Variants in SH3GL3 observed in about 807,000 individuals in gnomAD.
The protein encoded by SH3GL3 is SH3 domain containing GRB2 like 3, endophilin A3.
Under a neutral mutation model 47.7 loss-of-function variants are expected in SH3GL3, and 33 were observed. The ratio of observed to expected loss-of-function variants is 0.69; its 90% CI spans 0.52 to 0.92. The LOEUF (loss-of-function observed/expected upper bound fraction) is 0.92, where lower values mean the gene tolerates loss of function less well. Among genes scored for constraint, SH3GL3 ranks in the 40% least tolerant of loss-of-function variants. The pLI is 0.00. For synonymous variants in SH3GL3, 155 were observed against 148.8 expected (o/e 1.04, Z -0.30); for missense variants, 363 against 417.8 (o/e 0.87, Z 1.14).
chr15:83,479,818 G>A (rs1283323775), intron 1 of SH3GL3, among the ~76,000 whole-genome samples: 2 of 152,106 alleles, frequency 1.3e-5, no homozygotes, highest in Non-Finnish European at 2.9e-5. Context: ...CCACCTACCA[G>A]CTCTGTGATC....
intron 1 of SH3GL3, among the ~76,000 whole-genome samples, chr15:83,506,950 TA>T (rs1018709174): frequency 3.2e-3 from 448 of 141,286 alleles, no homozygotes; most frequent in Non-Finnish European, 3.0e-3. Flanking sequence ...TCTCTTTTGC[TA>T]AAAAAAAAAA....
At chr15:83,472,271 C>T (rs2040866340) in intron 1 of SH3GL3, among the ~76,000 whole-genome samples, 1 of 152,224 alleles carries the variant, frequency 6.6e-6, no homozygotes, top group African/African-American at 2.4e-5. Flanking sequence ...TTTTCAACCA[C>T]TGTTTCTTTG....
chr15:83,516,412 G>C (rs954152345), intron 1 of SH3GL3, among the ~76,000 whole-genome samples: 1 of 152,136 alleles, frequency 6.6e-6, no homozygotes, highest in Non-Finnish European at 1.5e-5. Flanking sequence ...CTAAGTAGGT[G>C]TATTAGGCCA....
At chr15:83,484,330 G>A (rs1170063227) in intron 1 of SH3GL3, among the ~76,000 whole-genome samples, 2 of 152,094 alleles carry the variant, frequency 1.3e-5, no homozygotes, top group African/African-American at 2.4e-5. Flanking sequence ...TGACACAGTG[G>A]TATGTCTGGT....
intron 6 of SH3GL3, among the ~76,000 whole-genome samples, chr15:83,586,677 C>T (rs913534075): frequency 1.3e-5 from 2 of 152,162 alleles, no homozygotes; most frequent in South Asian, 2.1e-4. Context: ...TTTTCAGATC[C>T]ATGAGCTTTA....
chr15:83,486,452 A>C (rs1172557732), intron 1 of SH3GL3, among the ~76,000 whole-genome samples: 1 of 151,992 alleles, frequency 6.6e-6, no homozygotes, highest in Non-Finnish European at 1.5e-5. Context: ...GCCTCTGTGG[A>C]TTTACTTATT....
At chr15:83,471,756 T>A (rs1351345354) in intron 1 of SH3GL3, among the ~76,000 whole-genome samples, 1 of 152,236 alleles carries the variant, frequency 6.6e-6, no homozygotes, top group African/African-American at 2.4e-5. Context: ...TGGTGAGAAA[T>A]CTGCTGTAAT....
At chr15:83,632,816 A>G in the SH3GL3 span, among the ~76,000 whole-genome samples, 2 of 152,238 alleles carry the variant, frequency 1.3e-5, no homozygotes, top group African/African-American at 2.4e-5. Context: ...CAGACAAACC[A>G]TATCAGTGAC....
In SH3GL3 at chr15:83,465,140, T is replaced by C. The variant is rs2040511986; in HGVS notation, c.45+17562T>C. Among the ~76,000 whole-genome samples, 3 of 151,310 alleles carry C rather than the reference T, an allele frequency of 2.0e-5. No individual in the cohort carries two copies. The South Asian group carries it at 6.3e-4, about 32-fold the overall frequency. The stretch of plus-strand genomic sequence containing the variant: ...GCCTGGCCAACGTGGTGAAACCCCG[T>C]CTCTACTAAACATAAAAAAATTAGC... On this transcript the variant is annotated intron_variant, in intron 1 of 8. Coordinates refer to ENST00000427482, the MANE Select transcript of SH3GL3 (RefSeq NM_003027.5).
At chr15:83,555,362 C>T (rs2044893148) in intron 1 of SH3GL3, among the ~76,000 whole-genome samples, 1 of 152,042 alleles carries the variant, frequency 6.6e-6, no homozygotes, top group Admixed American at 6.5e-5. Context: ...GAAGTGAATT[C>T]ATGTTATGTT....
In SH3GL3 at chr15:83,618,429, T is replaced by G. The variant is rs569961813; in HGVS notation, c.*142T>G. The G allele has an allele frequency of 1.7e-6, 1 of 605,400 alleles. No individual in the cohort carries two copies. The highest frequency in any genetic ancestry group is 1.8e-5 in the African/African-American group (1 of 54,104). The allele number at this position is 605,400 out of a possible 1,614,324, so 37.5% of individuals were successfully genotyped here. The stretch of plus-strand genomic sequence containing the variant: ...ATGTGTGCTCTCTTTATAATGTATT[T>G]TATATCACTTTAATTTGTATAAATG... On this transcript the variant is annotated 3_prime_UTR_variant, in exon 9 of 9. Coordinates refer to ENST00000427482, the MANE Select transcript of SH3GL3 (RefSeq NM_003027.5).
At chr15:83,611,854 T>C (rs2060676805) in intron 8 of SH3GL3, among the ~76,000 whole-genome samples, 1 of 152,174 alleles carries the variant, frequency 6.6e-6, no homozygotes, top group South Asian at 2.1e-4. Context: ...ACTTTGGGGC[T>C]CCATCCATGG....
intron 5 of SH3GL3, among the ~76,000 whole-genome samples, chr15:83,573,497 G>A (rs1596289433): frequency 2.0e-5 from 3 of 152,324 alleles, no homozygotes; most frequent in East Asian, 1.9e-4. Context: ...GTGAAGCCCA[G>A]CAAGTCTGTG....
chr15:83,463,911 G>T (rs921790753), intron 1 of SH3GL3, among the ~76,000 whole-genome samples: 5 of 151,882 alleles, frequency 3.3e-5, no homozygotes, highest in Non-Finnish European at 5.9e-5. Flanking sequence ...TGAGACTACA[G>T]TTGTGCGCCA....
At chr15:83,456,966 T>G (rs891542792) in intron 1 of SH3GL3, among the ~76,000 whole-genome samples, 3 of 152,282 alleles carry the variant, frequency 2.0e-5, no homozygotes, top group African/African-American at 7.2e-5. Context: ...AGCATAGATA[T>G]GGCATTGTGG....
intron 1 of SH3GL3, among the ~76,000 whole-genome samples, chr15:83,464,242 T>C (rs1315342733): frequency 1.3e-5 from 2 of 152,188 alleles, no homozygotes; most frequent in African/African-American, 2.4e-5. Context: ...TACAACACCT[T>C]CTGTACTTGC....
intron 1 of SH3GL3, among the ~76,000 whole-genome samples, chr15:83,468,772 T>A (rs1037473338): frequency 6.6e-6 from 1 of 151,676 alleles, no homozygotes; most frequent in Non-Finnish European, 1.5e-5. Flanking sequence ...GGTGTCTATA[T>A]CCATGAGGGA....
the SH3GL3 span, among the ~76,000 whole-genome samples, chr15:83,628,524 C>T: frequency 6.6e-6 from 1 of 152,162 alleles, no homozygotes; most frequent in Non-Finnish European, 1.5e-5. Flanking sequence ...AGGTGGATCA[C>T]ATGAGGTCAG....
intron 1 of SH3GL3, among the ~76,000 whole-genome samples, chr15:83,460,686 G>C (rs935104991): frequency 2.6e-5 from 4 of 152,142 alleles, no homozygotes; most frequent in African/African-American, 9.7e-5. Flanking sequence ...AATTATATGT[G>C]TGCGGATGTG....
Sources: gnomAD v4.1 joint callset for allele counts (sites outside exome capture counted in the v4.1 genomes callset) on GRCh38, gnomAD v4.1.1 for gene constraint, MANE v1.5 for transcripts, NCBI Gene and HGNC (gene_info 2026-07-23, HGNC 2026-07-21) for gene names.